The following PCDHA5 variants were observed in gnomAD, a reference collection of about 807,000 sequenced individuals.
PCDHA5 encodes the protein protocadherin alpha 5, also known as protocadherin alpha-5.
PCDHA5 carries 43 observed loss-of-function variants against 61.6 expected under a neutral mutation model. The observed-to-expected ratio is 0.70, with a 90% CI of 0.55 to 0.90. The LOEUF is 0.90. Ranked by LOEUF, PCDHA5 falls within the 40% of genes least tolerant of loss-of-function variation. The probability of loss-of-function intolerance (pLI) is 0.00; values close to 1 mark genes in which losing one functional copy is unlikely to be tolerated. For synonymous variants in PCDHA5, 627 were observed against 543.9 expected, an observed-to-expected ratio of 1.15 and a Z score of -2.13; for missense variants, 1,298 against 1,222.7, an observed-to-expected ratio of 1.06 and a Z score of -0.92.
chr5:140,843,191 G>C lies in PCDHA5; in HGVS notation c.2352+19064G>C, dbSNP rs1201499380. 28 of 1,595,928 alleles carry C rather than the reference G, an allele frequency of 1.8e-5. 6 individuals are homozygous for C. Among genetic ancestry groups the C allele is most frequent in the Middle Eastern group, 1.7e-4 (1 of 6,014 alleles). On this transcript the variant is annotated intron_variant, in intron 1 of 3. Transcript: ENST00000529859. ...AAGCAGCCCTCGCATCCCGTTCCGC[G>C]TGGGGCTGTACACGGGCGAGATCAG...
chr5:140,950,874 G>C (rs1237864508), intron 1 of PCDHA5, among the ~76,000 whole-genome samples: 20 of 151,700 alleles, frequency 1.3e-4, no homozygotes, highest in African/African-American at 4.8e-4. Flanking sequence ...ATTCTATATT[G>C]TTCAATAGGT....
intron 1 of PCDHA5, among the ~76,000 whole-genome samples, chr5:140,977,523 C>G (rs1393138256): frequency 2.0e-5 from 3 of 152,070 alleles, no homozygotes; most frequent in African/African-American, 7.2e-5. Flanking sequence ...AACTTGAAAA[C>G]AAAGGAGGAA....
chr5:140,849,974 G>A lies in PCDHA5; in HGVS notation c.2352+25847G>A, dbSNP rs190398483. The stretch of plus-strand genomic sequence containing the variant: ...AGGAGAACGCCCTGGTGTCCTACTC[G>A]CTGGTGGAGCGGCGGTTGGGCGAGC... On this transcript the variant is annotated intron_variant, in intron 1 of 3. Transcript: ENST00000529859. The A allele has an allele frequency of 6.3e-5, 100 of 1,597,670 alleles. 8 individuals carry two copies. Among genetic ancestry groups the A allele is most frequent in the Non-Finnish European group, 7.6e-5 (89 of 1,167,890 alleles).
chr5:140,829,456 C>A, intron 1 of PCDHA5: 1 of 1,613,884 alleles, frequency 6.2e-7, no homozygotes, highest in Non-Finnish European at 8.5e-7. Flanking sequence ...CTCCGGCGTT[C>A]GCGCAGCCCG....
At chr5:140,870,299 C>T (rs62622798) in intron 1 of PCDHA5, 44,120 of 1,614,102 alleles carry the variant, frequency 0.027, 770 homozygotes, top group Admixed American at 0.064. Flanking sequence ...CTGGTGTCCA[C>T]CTTCAAGAAT....
intron 1 of PCDHA5, chr5:140,868,337 C>T (rs1380091281): frequency 1.3e-5 from 2 of 151,836 alleles, no homozygotes; most frequent in African/African-American, 2.4e-5. Context: ...TATAAAGTCA[C>T]TTATAATCAG....
At chr5:140,978,770 A>G in intron 1 of PCDHA5, 179 bp from the exon 2 acceptor site, 3 of 956,466 alleles carry the variant, frequency 3.1e-6, no homozygotes, top group Non-Finnish European at 2.5e-6. Context: ...CTGATGAACT[A>G]ATTTTCTTCT....
rs2150350980 is a variant in PCDHA5 at position 140,843,047 on chromosome 5, G to A, written c.2352+18920G>A. On this transcript the variant is annotated intron_variant, in intron 1 of 3. Coordinates refer to ENST00000529859, the MANE Select transcript of PCDHA5 (RefSeq NM_018908.3). ...GCCTCGGGTGGGTGGCACTGGTGGC[G>A]CAGCGAGCAAGCTGGTGCCGCGGTC... 9.4e-6 allele frequency: 15 copies of A among 1,595,052 alleles called. 2 individuals carry two copies. The highest frequency in any genetic ancestry group is 1.2e-5 in the Non-Finnish European group (14 of 1,165,268).
At chr5:140,866,702 C>T (rs251370) in intron 1 of PCDHA5, 67,860 of 151,870 alleles carry the variant, frequency 0.45, 15,551 homozygotes, top group South Asian at 0.58. Flanking sequence ...CAGTGGATGA[C>T]GTGCACTAGT....
chr5:140,868,747 T>C, intron 1 of PCDHA5: 1 of 213,646 alleles, frequency 4.7e-6, no homozygotes, highest in South Asian at 1.1e-4. Context: ...TACAATGCCA[T>C]TTCCATATAT....
intron 1 of PCDHA5, among the ~76,000 whole-genome samples, chr5:140,845,801 G>C (rs1219755602): frequency 1.3e-5 from 2 of 149,630 alleles, no homozygotes; most frequent in African/African-American, 4.9e-5. Flanking sequence ...TCTGGCAAGT[G>C]ATAGGTACAT....
chr5:140,945,715 A>G (rs145543790), intron 1 of PCDHA5, among the ~76,000 whole-genome samples: 3,564 of 152,270 alleles, frequency 0.023, 50 homozygotes, highest in Middle Eastern at 0.034. Context: ...AAAAGTATCA[A>G]GAATATACAA....
chr5:140,960,111 A>G (rs1554224465), intron 1 of PCDHA5, among the ~76,000 whole-genome samples: 1 of 152,256 alleles, frequency 6.6e-6, no homozygotes, highest in African/African-American at 2.4e-5. Flanking sequence ...TGTGGGAACA[A>G]TAGTATTCCT....
intron 1 of PCDHA5, chr5:140,869,076 C>G (rs367613564): frequency 6.3e-7 from 1 of 1,577,934 alleles, no homozygotes; most frequent in South Asian, 1.2e-5. Flanking sequence ...TGTAAAGAAG[C>G]TTATTTTGGA....
rs1554254172 is a variant in PCDHA5, at chr5:140,994,436, C to G, written c.2500+11873C>G. On this transcript the variant is annotated intron_variant, in intron 3 of 3. Coordinates refer to ENST00000529859, the MANE Select transcript of PCDHA5 (RefSeq NM_018908.3). ...TGGATATTGAGGCCGGGCGCAGTGG[C>G]TCACACCTGTGATCCCAGCACTTTG... 1.3e-5 allele frequency among the ~76,000 whole-genome samples: 2 copies of G among 152,164 alleles called. 1 individual carries two copies. Among genetic ancestry groups the G allele is most frequent in the African/African-American group, 4.8e-5 (2 of 41,432 alleles).
At chr5:140,924,895 AAAAAAAAAAAT>A (rs1321698386) in intron 1 of PCDHA5, among the ~76,000 whole-genome samples, 1,704 of 132,168 alleles carry the variant, frequency 0.013, 31 homozygotes, top group African/African-American at 0.056. Flanking sequence ...AACCTGTCTC[AAAAAAAAAAAT>A]AAAATAAAAT....
intron 1 of PCDHA5, among the ~76,000 whole-genome samples, chr5:140,838,085 T>TA (rs1554136878): frequency 2.0e-4 from 13 of 64,188 alleles, no homozygotes; most frequent in African/African-American, 3.3e-4. Context: ...ATAGTGTGTG[T>TA]GTGTGTGTGT....
chr5:141,001,842 A>G (rs574186951), intron 3 of PCDHA5, among the ~76,000 whole-genome samples: 108 of 152,288 alleles, frequency 7.1e-4, no homozygotes, highest in Non-Finnish European at 1.3e-3. Context: ...GGAGACAGAG[A>G]GAGAGGTTGA....
intron 1 of PCDHA5, among the ~76,000 whole-genome samples, chr5:140,833,912 G>A (rs2150212045): frequency 3.3e-5 from 5 of 152,070 alleles, no homozygotes; most frequent in Non-Finnish European, 7.4e-5. Context: ...TAAACTTGCA[G>A]TTGTTTAAAT....
Sources: allele counts gnomAD v4.1 joint callset (sites outside exome capture counted in the v4.1 genomes callset), GRCh38; gene constraint gnomAD v4.1.1; transcripts MANE v1.5; gene names NCBI Gene and HGNC (gene_info 2026-07-23, HGNC 2026-07-21).